MEMO1: variants seen among roughly 807,000 people sequenced by gnomAD.
MEMO1 encodes the protein mediator of cell motility 1.
MEMO1 carries 6 observed loss-of-function variants against 45.2 expected under a neutral mutation model. That is an observed-to-expected ratio of 0.13 (90% CI 0.07 to 0.26). The LOEUF (loss-of-function observed/expected upper bound fraction) is 0.26. Among genes scored for constraint, MEMO1 ranks in the 10% least tolerant of loss-of-function variants. The pLI is 1.00. For missense variants in MEMO1, 184 were observed against 370.5 expected (o/e 0.50, Z 4.13); for synonymous variants, 78 against 124.3 (o/e 0.63, Z 2.48).
At chr2:31,927,311 T>C (rs1683257070) in intron 4 of MEMO1, among the ~76,000 whole-genome samples, 1 of 152,156 alleles carries the variant, frequency 6.6e-6, no homozygotes, top group Non-Finnish European at 1.5e-5. Context: ...AGAGCAAGAC[T>C]TTGTCTCAAA....
At chr2:31,985,600 A>T (rs1426694140) in intron 2 of MEMO1, among the ~76,000 whole-genome samples, 1 of 152,238 alleles carries the variant, frequency 6.6e-6, no homozygotes, top group Admixed American at 6.5e-5. Context: ...TGCTGGGATT[A>T]CAGGCGTGAG....
At chr2:31,920,989 T>G (rs1682243424) in intron 4 of MEMO1, 79 bp from the exon 5 acceptor site, 1 of 946,148 alleles carries the variant, frequency 1.1e-6, no homozygotes, top group Non-Finnish European at 1.6e-6. Context: ...AAAAAAGTAA[T>G]TCTTACAAAT....
chr2:31,912,018 C>T (rs1204795074), intron 6 of MEMO1, among the ~76,000 whole-genome samples: 5 of 152,158 alleles, frequency 3.3e-5, no homozygotes, highest in Admixed American at 2.0e-4. Flanking sequence ...CTGAATTGAA[C>T]CTCCCTCAAG....
chr2:31,969,597 GTGTGT>G, intron 2 of MEMO1, among the ~76,000 whole-genome samples: 1 of 140,614 alleles, frequency 7.1e-6, no homozygotes, highest in Non-Finnish European at 1.5e-5. Flanking sequence ...GTGTGTGTGT[GTGTGT>G]GTGTGTGTGT....
intron 6 of MEMO1, among the ~76,000 whole-genome samples, chr2:31,897,110 G>A (rs1290204746): frequency 6.6e-6 from 1 of 152,184 alleles, no homozygotes; most frequent in Non-Finnish European, 1.5e-5. Flanking sequence ...ATCAGCTTAA[G>A]GAGATTTTAG....
chr2:31,927,960 C>G (rs936372946), intron 4 of MEMO1, among the ~76,000 whole-genome samples: 4 of 152,140 alleles, frequency 2.6e-5, no homozygotes, highest in Non-Finnish European at 5.9e-5. Context: ...TAATATCTAT[C>G]TCACCTACCA....
At chr2:31,981,142 C>A (rs1437707839) in intron 2 of MEMO1, among the ~76,000 whole-genome samples, 1 of 152,186 alleles carries the variant, frequency 6.6e-6, no homozygotes, top group Non-Finnish European at 1.5e-5. Flanking sequence ...AACAGACAAT[C>A]CCCATTACTA....
At chr2:31,960,973 T>G (rs985987844) in intron 2 of MEMO1, among the ~76,000 whole-genome samples, 1 of 152,226 alleles carries the variant, frequency 6.6e-6, no homozygotes, top group African/African-American at 2.4e-5. Flanking sequence ...GGAAAAAAGT[T>G]TGCTAAGCAA....
At chr2:31,934,989 A>C (rs1230277868) in intron 3 of MEMO1, among the ~76,000 whole-genome samples, 1 of 152,242 alleles carries the variant, frequency 6.6e-6, no homozygotes. Context: ...GATGAAAAGG[A>C]TAATGATAAT....
intron 3 of MEMO1, among the ~76,000 whole-genome samples, chr2:31,940,659 C>T (rs1025356674): frequency 1.3e-5 from 2 of 152,110 alleles, no homozygotes; most frequent in Non-Finnish European, 2.9e-5. Context: ...CTCCTCCCTC[C>T]ATCTACCAAG....
intron 4 of MEMO1, among the ~76,000 whole-genome samples, chr2:31,930,434 T>G (rs930528595): frequency 6.6e-6 from 1 of 152,168 alleles, no homozygotes; most frequent in South Asian, 2.1e-4. Flanking sequence ...ATTTAACACA[T>G]GCTTTCCACT....
intron 5 of MEMO1, 31 bp from the exon 6 acceptor site, chr2:31,918,068 A>T: frequency 6.8e-7 from 1 of 1,477,058 alleles, no homozygotes; most frequent in South Asian, 1.2e-5. Flanking sequence ...AGTAAAATAA[A>T]TATATTAATG....
intron 6 of MEMO1, among the ~76,000 whole-genome samples, chr2:31,913,092 C>A (rs1043510506): frequency 6.6e-6 from 1 of 151,732 alleles, no homozygotes; most frequent in African/African-American, 2.4e-5. Flanking sequence ...TTCTGGCCAA[C>A]AAGGTCTACT....
intron 8 of MEMO1, among the ~76,000 whole-genome samples, chr2:31,870,261 T>G (rs555330382): frequency 1.2e-4 from 18 of 150,442 alleles, no homozygotes; most frequent in African/African-American, 4.3e-4. Context: ...TTTCATAATA[T>G]TATATCTTTC....
intron 2 of MEMO1, among the ~76,000 whole-genome samples, chr2:31,993,795 A>G (rs942274844): frequency 1.3e-5 from 2 of 152,088 alleles, no homozygotes; most frequent in African/African-American, 2.4e-5. Context: ...ACAGGCCCCA[A>G]AAGAGTAAAG....
intron 2 of MEMO1, among the ~76,000 whole-genome samples, chr2:32,006,590 C>G (rs546691810): frequency 2.1e-5 from 3 of 140,274 alleles, no homozygotes; most frequent in African/African-American, 5.5e-5. Flanking sequence ...CTGGACCTTA[C>G]CAAAAAAAAA....
At chr2:31,890,990 G>A (rs543686153) in intron 7 of MEMO1, among the ~76,000 whole-genome samples, 1 of 152,216 alleles carries the variant, frequency 6.6e-6, no homozygotes, top group South Asian at 2.1e-4. Context: ...CTTTGAAAAG[G>A]CCATTCAGAG....
At chr2:31,983,625 G>T (rs966210376) in intron 2 of MEMO1, among the ~76,000 whole-genome samples, 1 of 152,106 alleles carries the variant, frequency 6.6e-6, no homozygotes, top group Non-Finnish European at 1.5e-5. Flanking sequence ...GTAGAGACAC[G>T]GTTTCTCCAT....
At chr2:31,928,317 C>A (rs1299421437) in intron 4 of MEMO1, among the ~76,000 whole-genome samples, 2 of 152,104 alleles carry the variant, frequency 1.3e-5, no homozygotes, top group Non-Finnish European at 1.5e-5. Context: ...CCAAGGCAGG[C>A]AGATCAGTTG....
Sources: gnomAD v4.1 joint callset for allele counts (sites outside exome capture counted in the v4.1 genomes callset) on GRCh38, gnomAD v4.1.1 for gene constraint, MANE v1.5 for transcripts, NCBI Gene and HGNC (gene_info 2026-07-23, HGNC 2026-07-21) for gene names.